Variants in SAMD12 observed in about 807,000 individuals in gnomAD.
The protein encoded by SAMD12 is sterile alpha motif domain containing 12, also known as sterile alpha motif domain-containing protein 12.
SAMD12 carries 9 observed loss-of-function variants against 15.0 expected under a neutral mutation model. The ratio of observed to expected loss-of-function variants is 0.60; its 90% confidence interval spans 0.36 to 1.05. SAMD12 has a LOEUF of 1.05. Among genes scored for constraint, SAMD12 ranks in the 50% least tolerant of loss-of-function variants. The probability of loss-of-function intolerance (pLI) is 0.01; values close to 1 mark genes in which losing one functional copy is unlikely to be tolerated. For synonymous variants in SAMD12, 86 were observed against 90.1 expected (o/e 0.96, Z 0.25); for missense variants, 230 against 234.2 (o/e 0.98, Z 0.12).
At chr8:118,499,969 T>C (rs1313050725) in intron 2 of SAMD12, among the ~76,000 whole-genome samples, 2 of 151,680 alleles carry the variant, frequency 1.3e-5, no homozygotes, top group Non-Finnish European at 2.9e-5. Flanking sequence ...CACATGCCTC[T>C]TCTCTTCCCA....
intron 3 of SAMD12, among the ~76,000 whole-genome samples, chr8:118,425,304 C>T (rs1466870761): frequency 2.6e-5 from 4 of 152,128 alleles, no homozygotes; most frequent in Non-Finnish European, 4.4e-5. Context: ...TCCAATTTTG[C>T]AATCTGACTC....
Position 118,378,063 on chromosome 8 carries a change from A to G in SAMD12, c.*1354T>C, listed in dbSNP as rs1819476758. 1 of 152,156 alleles carries G rather than the reference A, an allele frequency of 6.6e-6. No individual in the cohort carries two copies. The allele number at this position is 152,156 out of a possible 1,614,324, so 9.4% of individuals were successfully genotyped here. Reference sequence around the variant, plus strand: ...AGTCCTTTTTTTCTGTACATATAAGAATATATGGTTTTTACAAAATTGGGC... The same window carrying G: ...AGTCCTTTTTTTCTGTACATATAAGGATATATGGTTTTTACAAAATTGGGC... On this transcript the variant is annotated 3_prime_UTR_variant, in exon 4 of 4. Coordinates refer to ENST00000314727, the MANE Select transcript of SAMD12 (RefSeq NM_207506.3).
At chr8:118,178,157 A>G in the SAMD12 span, among the ~76,000 whole-genome samples, 1 of 152,210 alleles carries the variant, frequency 6.6e-6, no homozygotes. Context: ...TAAAACACTA[A>G]ATGTTTGAGA....
At chr8:118,479,973 AT>A (rs1435121440) in intron 2 of SAMD12, among the ~76,000 whole-genome samples, 16 of 152,220 alleles carry the variant, frequency 1.1e-4, no homozygotes, top group Non-Finnish European at 2.2e-4. Flanking sequence ...CCAGAATCAT[AT>A]TTAGATTCAA....
chr8:118,357,350 G>C (rs192234109), intron 4 of SAMD12, among the ~76,000 whole-genome samples: 43 of 152,256 alleles, frequency 2.8e-4, no homozygotes, highest in African/African-American at 9.9e-4. Context: ...CGATTCTTGT[G>C]CCTCAGCCTC....
intron 4 of SAMD12, among the ~76,000 whole-genome samples, chr8:118,226,084 C>T (rs541270423): frequency 2.0e-5 from 3 of 152,112 alleles, no homozygotes; most frequent in African/African-American, 4.8e-5. Context: ...AGGCACTGTC[C>T]GAAGTGCTGG....
intron 4 of SAMD12, among the ~76,000 whole-genome samples, chr8:118,362,418 A>G (rs1253997203): frequency 6.6e-6 from 1 of 152,214 alleles, no homozygotes; most frequent in Admixed American, 6.5e-5. Flanking sequence ...TTAGGGACAC[A>G]AATGACAAAA....
At chr8:118,253,318 A>T (rs374904431) in intron 4 of SAMD12, among the ~76,000 whole-genome samples, 1 of 152,158 alleles carries the variant, frequency 6.6e-6, no homozygotes. Flanking sequence ...GAGTTGTAGA[A>T]TTTGGTTTTC....
chr8:118,553,514 C>T (rs562534581), intron 2 of SAMD12, among the ~76,000 whole-genome samples: 1 of 152,218 alleles, frequency 6.6e-6, no homozygotes, highest in African/African-American at 2.4e-5. Flanking sequence ...TTCCTCACAC[C>T]TTATACAAAA....
At chr8:118,417,641 T>A (rs377632363) in intron 3 of SAMD12, among the ~76,000 whole-genome samples, 1 of 152,116 alleles carries the variant, frequency 6.6e-6, no homozygotes, top group East Asian at 1.9e-4. Flanking sequence ...AAATATTCAG[T>A]AAGTAAACAC....
intron 2 of SAMD12, among the ~76,000 whole-genome samples, chr8:118,553,020 G>T (rs866488333): frequency 0.018 from 2,690 of 152,028 alleles, 81 homozygotes; most frequent in African/African-American, 0.061. Context: ...CACTGCTCAA[G>T]GAAATAAAAG....
intron 2 of SAMD12, among the ~76,000 whole-genome samples, chr8:118,456,736 C>G (rs1823265020): frequency 6.6e-6 from 1 of 152,200 alleles, no homozygotes; most frequent in South Asian, 2.1e-4. Context: ...AATATATTTA[C>G]TGGATACTTG....
At chr8:118,443,830 C>T (rs568539303) in intron 2 of SAMD12, among the ~76,000 whole-genome samples, 1 of 152,310 alleles carries the variant, frequency 6.6e-6, no homozygotes, top group East Asian at 1.9e-4. Context: ...TCCCCAACAG[C>T]TACCAAATGT....
At chr8:118,387,423 T>C (rs1407432079) in intron 3 of SAMD12, among the ~76,000 whole-genome samples, 3 of 151,636 alleles carry the variant, frequency 2.0e-5, no homozygotes, top group Admixed American at 6.6e-5. Context: ...TGTTCCTTGA[T>C]TGGCCACCAC....
chr8:118,326,016 C>A (rs1018587659), intron 4 of SAMD12, among the ~76,000 whole-genome samples: 10 of 152,062 alleles, frequency 6.6e-5, no homozygotes, highest in Admixed American at 6.6e-4. Flanking sequence ...GACTTCACGC[C>A]GGAAGCCCAT....
At chr8:118,434,367 T>C (rs1263609291) in intron 3 of SAMD12, among the ~76,000 whole-genome samples, 1 of 152,244 alleles carries the variant, frequency 6.6e-6, no homozygotes, top group Non-Finnish European at 1.5e-5. Context: ...AGGATACCCA[T>C]GGTTCGTCCA....
chr8:118,286,259 A>T (rs879291267), intron 4 of SAMD12, among the ~76,000 whole-genome samples: 7 of 152,094 alleles, frequency 4.6e-5, no homozygotes, highest in African/African-American at 1.4e-4. Context: ...TGGCACATGT[A>T]TACATATGTA....
intron 2 of SAMD12, among the ~76,000 whole-genome samples, chr8:118,452,753 A>C: frequency 6.6e-6 from 1 of 152,234 alleles, no homozygotes; most frequent in East Asian, 1.9e-4. Flanking sequence ...CAGAGTAAAA[A>C]ACATGAACTT....
At chr8:118,149,378 C>G in the SAMD12 span, among the ~76,000 whole-genome samples, 1 of 152,116 alleles carries the variant, frequency 6.6e-6, no homozygotes, top group Non-Finnish European at 1.5e-5. Flanking sequence ...TGTGTATTTG[C>G]CTAAAGACTG....
Sources: gnomAD v4.1 joint callset for allele counts (sites outside exome capture counted in the v4.1 genomes callset) on GRCh38, gnomAD v4.1.1 for gene constraint, MANE v1.5 for transcripts, NCBI Gene and HGNC (gene_info 2026-07-23, HGNC 2026-07-21) for gene names.